The following BAIAP2L1 variants were observed in gnomAD, a reference collection of about 807,000 sequenced individuals.
BAIAP2L1 encodes the protein BAR/IMD domain-containing adapter protein 2-like 1.
BAIAP2L1 carries 35 observed loss-of-function variants against 66.3 expected under a neutral mutation model. That is an observed-to-expected ratio of 0.53 (90% CI 0.40 to 0.70). The LOEUF (loss-of-function observed/expected upper bound fraction) is 0.70. Ranked by LOEUF, BAIAP2L1 falls within the 30% of genes least tolerant of loss-of-function variation. BAIAP2L1 has a pLI of 0.00. For missense variants in BAIAP2L1, 622 were observed against 656.9 expected (o/e 0.95, Z 0.58); for synonymous variants, 269 against 248.7 (o/e 1.08, Z -0.77).
intron 3 of BAIAP2L1, among the ~76,000 whole-genome samples, chr7:98,320,691 A>C (rs955336887): frequency 2.6e-5 from 4 of 152,200 alleles, no homozygotes; most frequent in Admixed American, 6.5e-5. Flanking sequence ...GAAACACAGA[A>C]ATACACTGTC....
intron 11 of BAIAP2L1, among the ~76,000 whole-genome samples, 194 bp from the exon 12 acceptor site, chr7:98,304,570 C>CA (rs994470342): frequency 6.6e-6 from 1 of 152,006 alleles, no homozygotes; most frequent in African/African-American, 2.4e-5. Context: ...TTTTTTGCGA[C>CA]AGAGTCTCAC....
intron 1 of BAIAP2L1, among the ~76,000 whole-genome samples, chr7:98,387,485 G>C (rs1802922820): frequency 6.6e-6 from 1 of 152,196 alleles, no homozygotes; most frequent in Non-Finnish European, 1.5e-5. Context: ...AGTCACCCCT[G>C]TGTGATCAGC....
chr7:98,374,788 A>G (rs761081223), intron 1 of BAIAP2L1, among the ~76,000 whole-genome samples: 3 of 152,194 alleles, frequency 2.0e-5, no homozygotes, highest in Non-Finnish European at 4.4e-5. Flanking sequence ...AATGGAAGAA[A>G]GAAAAAGGTG....
Position 98,383,222 on chromosome 7 carries a change from ACAAT to A in BAIAP2L1, c.51+17576_51+17579del, listed in dbSNP as rs1293493259. Among the ~76,000 whole-genome samples the A allele has an allele frequency of 4.6e-5, 7 of 152,030 alleles. No individual in the cohort carries two copies. The East Asian group carries it at 1.4e-3, about 29-fold the overall frequency. ...AGAAAAGAAAAGAAAGAATGGAAAC[ACAAT>A]CCTTCCTATTCTAAGCTGCTATACC... On this transcript the variant is annotated intron_variant, in intron 1 of 13. Coordinates refer to ENST00000005260, the MANE Select transcript of BAIAP2L1 (RefSeq NM_018842.5).
intron 5 of BAIAP2L1, among the ~76,000 whole-genome samples, chr7:98,319,671 C>T (rs762721412): frequency 1.2e-4 from 19 of 152,096 alleles, no homozygotes; most frequent in Non-Finnish European, 1.9e-4. Context: ...CTCATCCTCC[C>T]GAGTAGCTGG....
At chr7:98,394,099 C>T (rs572816596) in intron 1 of BAIAP2L1, among the ~76,000 whole-genome samples, 3 of 151,872 alleles carry the variant, frequency 2.0e-5, no homozygotes, top group Admixed American at 1.3e-4. Context: ...AAAAATTAGC[C>T]GGGCGTGGTG....
intron 1 of BAIAP2L1, among the ~76,000 whole-genome samples, chr7:98,377,239 A>G (rs1261535490): frequency 6.6e-6 from 1 of 152,212 alleles, no homozygotes; most frequent in African/African-American, 2.4e-5. Context: ...AGGCATTTAC[A>G]TGGCTTACGA....
chr7:98,293,325 TACTC>T lies in BAIAP2L1; in HGVS notation c.*192_*195del, dbSNP rs1309707266. On this transcript the variant is annotated 3_prime_UTR_variant, in exon 14 of 14. Transcript: ENST00000005260. Reference sequence around the variant, plus strand: ...ATGGCTGAGCTGGTCATTAGACTATTACTCATTTATCTTAAAGGCAGAAACTTGT... The same window carrying T: ...ATGGCTGAGCTGGTCATTAGACTATTATTTATCTTAAAGGCAGAAACTTGT... The T allele has an allele frequency of 5.6e-6, 3 of 538,810 alleles. No homozygotes were observed. Among genetic ancestry groups the T allele is most frequent in the South Asian group, 2.5e-5 (1 of 39,276 alleles). The allele number at this position is 538,810 out of a possible 1,614,324, so 33.4% of individuals were successfully genotyped here.
chr7:98,353,538 T>C lies in BAIAP2L1; in HGVS notation c.214+1504A>G, dbSNP rs1042234254. 6.6e-5 allele frequency among the ~76,000 whole-genome samples: 9 copies of C among 136,058 alleles called. No homozygotes were observed. In the East Asian group the frequency reaches 1.4e-3, roughly 21 times the overall value. 89.3% of individuals were successfully genotyped at this position (136,058 alleles called of 152,430 possible). A position where few individuals can be genotyped will look rare whatever the true frequency, so the allele number is the denominator to read the frequency against. ...ATACACATATATTTATAAATATACA[T>C]ATATTTATATTATAAATATATGTAT... On this transcript the variant is annotated intron_variant, in intron 3 of 13. Transcript: ENST00000005260.
At chr7:98,332,765 C>T (rs1000185489) in intron 3 of BAIAP2L1, among the ~76,000 whole-genome samples, 6 of 148,450 alleles carry the variant, frequency 4.0e-5, no homozygotes, top group Admixed American at 6.8e-5. Context: ...GCCGAGATCA[C>T]GCCGCTGCAC....
Position 98,355,068 on chromosome 7 carries a change from G to A in BAIAP2L1, c.188C>T (p.Thr63Ile). 6.2e-7 allele frequency: 1 copy of A among 1,613,976 alleles called. No homozygotes were observed. The highest frequency in any genetic ancestry group is 2.2e-5 in the East Asian group (1 of 44,868). Residue 63 changes from threonine to isoleucine, a missense_variant, in exon 3 of 14, where the codon ACT becomes ATT. By Grantham distance (89) the Thr-to-Ile change is moderately conservative. Coordinates refer to ENST00000005260, the MANE Select transcript of BAIAP2L1 (RefSeq NM_018842.5). ...DGVAKIGEIA[T>I]GSPVSTELGH... ...CAGTTCAGTTGACACGGGGGACCCA[G>A]TGGCAATCTCACCGATCTTGGCCAC...
intron 7 of BAIAP2L1, 84 bp downstream of exon 7, chr7:98,315,376 G>A (rs1321459418): frequency 1.3e-5 from 16 of 1,249,536 alleles, no homozygotes; most frequent in Middle Eastern, 2.8e-4. Flanking sequence ...GATTACAGGC[G>A]TGGGCCACGG....
chr7:98,327,765 A>G (rs78045300), intron 3 of BAIAP2L1, among the ~76,000 whole-genome samples: 9 of 152,126 alleles, frequency 5.9e-5, no homozygotes, highest in Non-Finnish European at 7.4e-5. Flanking sequence ...CCAATTCTTT[A>G]TTGCACTACT....
chr7:98,322,337 C>T (rs1194406328), intron 3 of BAIAP2L1, among the ~76,000 whole-genome samples: 1 of 152,196 alleles, frequency 6.6e-6, no homozygotes, highest in African/African-American at 2.4e-5. Context: ...CCTTGCTGAA[C>T]ACGACCACGC....
chr7:98,392,167 TAAAAA>T (rs5886065), intron 1 of BAIAP2L1, among the ~76,000 whole-genome samples: 3 of 120,748 alleles, frequency 2.5e-5, no homozygotes. Context: ...ACCCCCTCGC[TAAAAA>T]AAAAAAAAAA....
At chr7:98,386,665 C>A in intron 1 of BAIAP2L1, 11 of 699,030 alleles carry the variant, frequency 1.6e-5, no homozygotes, top group Non-Finnish European at 2.1e-5. Context: ...CTCTCATCGA[C>A]TTCTCTCCTA....
In BAIAP2L1 at chr7:98,346,644, C is replaced by T. The variant is rs541733917; in HGVS notation, c.214+8398G>A. Among the ~76,000 whole-genome samples the T allele has an allele frequency of 2.6e-5, 4 of 152,268 alleles. No individual in the cohort carries two copies. In the South Asian group the frequency reaches 8.3e-4, roughly 32 times the overall value. ...CAGTTGCAGTAATTAAGACAGTCTG[C>T]TATTGGTGCAAGGACAGCAGAGCAT... On this transcript the variant is annotated intron_variant, in intron 3 of 13. Transcript: ENST00000005260.
intron 1 of BAIAP2L1, among the ~76,000 whole-genome samples, chr7:98,377,129 T>C (rs1311691845): frequency 2.0e-5 from 3 of 152,120 alleles, no homozygotes; most frequent in African/African-American, 7.2e-5. Context: ...GGAAGCCAAT[T>C]TCTTGAAATA....
chr7:98,324,889 T>C (rs1468531141), intron 3 of BAIAP2L1, among the ~76,000 whole-genome samples: 1 of 152,206 alleles, frequency 6.6e-6, no homozygotes, highest in Non-Finnish European at 1.5e-5. Context: ...ATAGGACATG[T>C]AGGCATAAAG....
Sources: gnomAD v4.1 joint callset for allele counts (sites outside exome capture counted in the v4.1 genomes callset) on GRCh38, gnomAD v4.1.1 for gene constraint, MANE v1.5 for transcripts, NCBI Gene and HGNC (gene_info 2026-07-23, HGNC 2026-07-21) for gene names.